PKD2L1: variants seen among roughly 807,000 people sequenced by gnomAD.
The protein encoded by PKD2L1 is polycystin-2-like protein 1.
A neutral mutation model predicts 93.0 loss-of-function variants in PKD2L1; 77 were observed. That is an observed-to-expected ratio of 0.83 (90% confidence interval 0.69 to 1.00). The LOEUF (loss-of-function observed/expected upper bound fraction) is 1.00. Among genes scored for constraint, PKD2L1 ranks in the 50% least tolerant of loss-of-function variants. The probability of loss-of-function intolerance (pLI) is 0.00; values close to 1 mark genes in which losing one functional copy is unlikely to be tolerated. For missense variants in PKD2L1, 977 were observed against 990.9 expected, an observed-to-expected ratio of 0.99 and a Z score of 0.19; for synonymous variants, 390 against 388.0, an observed-to-expected ratio of 1.01 and a Z score of -0.06.
Position 100,296,200 on chromosome 10 carries a change from TG to T in PKD2L1, c.1277del (p.Ala426GlufsTer16). On this transcript the variant is annotated frameshift_variant, in exon 7 of 16. Coordinates refer to ENST00000318222, the MANE Select transcript of PKD2L1 (RefSeq NM_016112.3). LOFTEE classifies it high-confidence loss of function. ...GCCAGAAGGCGAGGAACTCAAAGTC[TG>T]CATACGTGTTTGGCTGCTGCAGGAG... ...GKLLQQPNTYADFEFLAFWQT... is the reference protein window; with the variant it reads ...GKLLQQPNTYXDFEFLAFWQT... 4.3e-6 allele frequency: 7 copies of T among 1,612,556 alleles called. No homozygotes were observed. Among genetic ancestry groups the T allele is most frequent in the Non-Finnish European group, 5.9e-6 (7 of 1,179,362 alleles).
At chr10:100,314,958 AGAAAGAAGGAAG>A (rs1396266566) in intron 2 of PKD2L1, among the ~76,000 whole-genome samples, 5 of 43,704 alleles carry the variant, frequency 1.1e-4, no homozygotes, top group Non-Finnish European at 2.3e-4. Flanking sequence ...AAAGAAAGAA[AGAAAGAAGGAAG>A]GAAGGAAGGA....
chr10:100,319,224 C>G (rs1471819613), intron 2 of PKD2L1, among the ~76,000 whole-genome samples: 1 of 152,224 alleles, frequency 6.6e-6, no homozygotes, highest in Non-Finnish European at 1.5e-5. Context: ...CTATTATACT[C>G]CAAGCACTGT....
intron 2 of PKD2L1, among the ~76,000 whole-genome samples, chr10:100,302,533 C>CA (rs962940762): frequency 1.1e-3 from 149 of 140,242 alleles, no homozygotes; most frequent in South Asian, 4.3e-3. Context: ...CTCATCTCTA[C>CA]AAAAAAAAAA....
At chr10:100,312,299 G>T (rs1158274329) in intron 2 of PKD2L1, among the ~76,000 whole-genome samples, 3 of 152,222 alleles carry the variant, frequency 2.0e-5, no homozygotes, top group Admixed American at 2.0e-4. Flanking sequence ...TAGGGCTTAG[G>T]TTCAGAAGAT....
At chr10:100,291,960 A>G (rs1055082332) in intron 11 of PKD2L1, among the ~76,000 whole-genome samples, 1 of 151,588 alleles carries the variant, frequency 6.6e-6, no homozygotes, top group East Asian at 2.0e-4. Flanking sequence ...CCTCCTGTGT[A>G]TGTTGCTTGG....
At chr10:100,304,908 C>G (rs1848763535) in intron 2 of PKD2L1, among the ~76,000 whole-genome samples, 1 of 152,150 alleles carries the variant, frequency 6.6e-6, no homozygotes, top group Admixed American at 6.5e-5. Context: ...CCAGCTCTGC[C>G]ACTTACAGTA....
intron 2 of PKD2L1, among the ~76,000 whole-genome samples, chr10:100,310,071 C>T (rs897015380): frequency 5.3e-5 from 8 of 152,202 alleles, no homozygotes; most frequent in Non-Finnish European, 1.2e-4. Flanking sequence ...CAGTGGCTCA[C>T]ACCTGTAATC....
rs138960323 is a variant in PKD2L1 at position 100,289,886 on chromosome 10, A to T, written c.2250+129T>A. 12 of 1,099,212 alleles carry T rather than the reference A, an allele frequency of 1.1e-5. No individual in the cohort carries two copies. The African/African-American group carries it at 1.8e-4, about 17-fold the overall frequency. The allele number at this position is 1,099,212 out of a possible 1,614,324, so 68.1% of individuals were successfully genotyped here. A position where few individuals can be genotyped will look rare whatever the true frequency, so the allele number is the denominator to read the frequency against. ...CATCTCTGCTGATACACTAACCGCT[A>T]TGAACATGTTTCCCCAGGAGCCTGA... On this transcript the variant is annotated intron_variant, in intron 14 of 15. Coordinates refer to ENST00000318222, the MANE Select transcript of PKD2L1 (RefSeq NM_016112.3).
chr10:100,308,088 C>T (rs1008074021), intron 2 of PKD2L1, among the ~76,000 whole-genome samples: 3 of 152,194 alleles, frequency 2.0e-5, no homozygotes, highest in Admixed American at 2.0e-4. Flanking sequence ...GGTTTCATGT[C>T]AAATGTAGAG....
intron 14 of PKD2L1, 133 bp downstream of exon 14, chr10:100,289,882 C>G (rs943851268): frequency 3.8e-6 from 4 of 1,061,140 alleles, no homozygotes; most frequent in Non-Finnish European, 5.6e-6. Context: ...ATACACTAAC[C>G]GCTATGAACA....
chr10:100,325,004 C>T (rs1849346635), intron 2 of PKD2L1, among the ~76,000 whole-genome samples: 1 of 152,178 alleles, frequency 6.6e-6, no homozygotes, highest in Non-Finnish European at 1.5e-5. Flanking sequence ...ATTCCCAATC[C>T]TTAGGCAGGA....
chr10:100,320,581 C>T (rs7087412), intron 2 of PKD2L1, among the ~76,000 whole-genome samples: 17,324 of 152,160 alleles, frequency 0.11, 1,243 homozygotes, highest in African/African-American at 0.2. Context: ...TCCCCACTTT[C>T]CCTTTCCTCC....
intron 12 of PKD2L1, 73 bp downstream of exon 12, chr10:100,291,228 T>C (rs1308481352): frequency 1.3e-6 from 2 of 1,508,942 alleles, no homozygotes; most frequent in South Asian, 1.2e-5. Context: ...GGGTTTGTGT[T>C]CTAGGTATGT....
intron 2 of PKD2L1, among the ~76,000 whole-genome samples, chr10:100,310,488 C>A (rs1190639317): frequency 6.6e-6 from 1 of 152,204 alleles, no homozygotes; most frequent in Non-Finnish European, 1.5e-5. Context: ...ACATGCCTAT[C>A]ATTAAGTCCT....
In PKD2L1 at chr10:100,290,458, T is replaced by C; in HGVS notation, c.2069A>G (p.Lys690Arg). 6.2e-7 allele frequency: 1 copy of C among 1,613,850 alleles called. No individual in the cohort carries two copies. The highest frequency in any genetic ancestry group is 8.5e-7 in the Non-Finnish European group (1 of 1,180,004). Residue 690 changes from lysine (K) to arginine (R), a missense_variant, in exon 13 of 16, where the codon AAA becomes AGA. Lys to Arg is a conservative substitution (Grantham distance 26). Transcript: ENST00000318222. ...TGCTCTGGCAGCCTCTGGACCCGATTTGCCTTGTGGGCTGCTCACAATAGA... is the reference window on the plus strand; with the variant it reads ...TGCTCTGGCAGCCTCTGGACCCGATCTGCCTTGTGGGCTGCTCACAATAGA... The part of the protein sequence containing the change: ...GRSIVSSPQG[K>R]SGPEAARAGG...
intron 2 of PKD2L1, among the ~76,000 whole-genome samples, chr10:100,315,280 C>G (rs1450212372): frequency 6.6e-6 from 1 of 151,992 alleles, no homozygotes; most frequent in Non-Finnish European, 1.5e-5. Flanking sequence ...GTTTGCTGCA[C>G]CTATCAACCC....
chr10:100,316,168 G>A (rs749373435), intron 2 of PKD2L1, among the ~76,000 whole-genome samples: 2 of 152,082 alleles, frequency 1.3e-5, no homozygotes, highest in South Asian at 2.1e-4. Flanking sequence ...GATGTGTCTC[G>A]GGTATTTCTT....
chr10:100,315,032 A>G (rs1398013480), intron 2 of PKD2L1, among the ~76,000 whole-genome samples: 3 of 10,690 alleles, frequency 2.8e-4, no homozygotes, highest in African/African-American at 1.9e-3. Context: ...AAGGGAAGGG[A>G]AGGGAAGGGA....
At chr10:100,291,214 AG>A (rs5787377) in intron 12 of PKD2L1, 86 bp downstream of exon 12, 44 of 1,376,650 alleles carry the variant, frequency 3.2e-5, no homozygotes, top group Non-Finnish European at 4.4e-5. Flanking sequence ...GAGAGTTTTC[AG>A]GTGGGTTTGT....
Sources: gnomAD v4.1 joint callset for allele counts (sites outside exome capture counted in the v4.1 genomes callset) on GRCh38, gnomAD v4.1.1 for gene constraint, MANE v1.5 for transcripts, NCBI Gene and HGNC (gene_info 2026-07-23, HGNC 2026-07-21) for gene names.